Variants in TCL1A observed in about 807,000 individuals in gnomAD.
TCL1A encodes TCL1 family AKT coactivator A.
In TCL1A, 9 loss-of-function variants were observed where a neutral mutation model predicts 16.9. The ratio of observed to expected loss-of-function variants is 0.53; its 90% CI spans 0.32 to 0.93. The LOEUF is 0.93. Ranked by LOEUF, TCL1A falls within the 40% of genes least tolerant of loss-of-function variation. The pLI, the probability that TCL1A is intolerant of heterozygous loss-of-function variation, is 0.04. For missense variants in TCL1A, 139 were observed against 153.0 expected (o/e 0.91, Z 0.48); for synonymous variants, 69 against 63.2 (o/e 1.09, Z -0.44).
At chr14:95,711,113 G>A (rs75213274) in intron 3 of TCL1A, among the ~76,000 whole-genome samples, 4,009 of 152,114 alleles carry the variant, frequency 0.026, 101 homozygotes, top group East Asian at 0.13. Context: ...ACTCAATAGC[G>A]TATCTAATAT....
intron 3 of TCL1A, among the ~76,000 whole-genome samples, chr14:95,711,194 T>C (rs1886338224): frequency 6.6e-6 from 1 of 151,252 alleles, no homozygotes; most frequent in Admixed American, 6.6e-5. Context: ...ACGTGGTGGC[T>C]CATGCCTGTA....
chr14:95,710,026 G>C lies in TCL1A; in HGVS notation c.*862C>G, dbSNP rs1199817495. 6.6e-6 allele frequency: 1 copy of C among 152,164 alleles called. No homozygotes were observed. Among genetic ancestry groups the C allele is most frequent in the Non-Finnish European group, 1.5e-5 (1 of 68,034 alleles). 9.4% of individuals were successfully genotyped at this position (152,164 alleles called of 1,614,324 possible). On this transcript the variant is annotated 3_prime_UTR_variant, in exon 4 of 4. Transcript: ENST00000402399. The stretch of plus-strand genomic sequence containing the variant: ...CTCACTTCTCTCCACCAGAATCTAA[G>C]TCAAGGATAGAAGCTGATTCCGCAC...
intron 2 of TCL1A, 75 bp from the exon 3 acceptor site, chr14:95,711,877 T>C: frequency 6.4e-7 from 1 of 1,560,878 alleles, no homozygotes; most frequent in African/African-American, 1.3e-5. Context: ...CTCCTGCGCC[T>C]TCCCCTAGCT....
At chr14:95,712,995 A>T (rs984439413) in intron 1 of TCL1A, among the ~76,000 whole-genome samples, 5 of 152,210 alleles carry the variant, frequency 3.3e-5, no homozygotes, top group Non-Finnish European at 7.3e-5. Flanking sequence ...TGAATCTTCA[A>T]ATTATTTCTT....
Position 95,710,250 on chromosome 14 carries a change from G to A in TCL1A, c.*638C>T, listed in dbSNP as rs1886307125. The A allele has an allele frequency of 6.6e-6, 1 of 152,572 alleles. No homozygotes were observed. The highest frequency in any genetic ancestry group is 2.4e-5 in the African/African-American group (1 of 41,442). The allele number at this position is 152,572 out of a possible 1,614,324, so 9.5% of individuals were successfully genotyped here. A position where few individuals can be genotyped will look rare whatever the true frequency, so the allele number is the denominator to read the frequency against. On this transcript the variant is annotated 3_prime_UTR_variant, in exon 4 of 4. Coordinates refer to ENST00000402399, the MANE Select transcript of TCL1A (RefSeq NM_021966.3). ...CGGCCTGGCCTCCTGCTGCGTCCCG[G>A]GATGTGGACCACTGACCCAGAGGCT...
At chr14:95,712,791 A>AC (rs1566747164) in intron 1 of TCL1A, 9 of 755,046 alleles carry the variant, frequency 1.2e-5, no homozygotes, top group African/African-American at 1.1e-4. Context: ...GAAAAAAAAA[A>AC]AACAACAAAG....
At chr14:95,712,119 C>T in intron 2 of TCL1A, 101 bp downstream of exon 2, 7 of 1,415,036 alleles carry the variant, frequency 4.9e-6, no homozygotes, top group Admixed American at 1.7e-5. Context: ...TTTTTTAATG[C>T]TTTTGGGACT....
At chr14:95,711,934 G>A in intron 2 of TCL1A, 132 bp from the exon 3 acceptor site, 1 of 1,172,992 alleles carries the variant, frequency 8.5e-7, no homozygotes. Flanking sequence ...AGGGGCTCTT[G>A]GAGACTGCCC....
intron 1 of TCL1A, among the ~76,000 whole-genome samples, 178 bp downstream of exon 1, chr14:95,713,769 C>T (rs565123767): frequency 1.3e-5 from 2 of 152,330 alleles, no homozygotes; most frequent in African/African-American, 2.4e-5. Flanking sequence ...TCCCACCCTT[C>T]TTCCCTGCCT....
intron 1 of TCL1A, 114 bp from the exon 2 acceptor site, chr14:95,712,510 CG>C: frequency 6.7e-7 from 1 of 1,500,636 alleles, no homozygotes. Context: ...GGCAGGGGTC[CG>C]AGTGTGAAAT....
chr14:95,713,318 T>C (rs1886428226), intron 1 of TCL1A, among the ~76,000 whole-genome samples: 1 of 152,362 alleles, frequency 6.6e-6, no homozygotes, highest in African/African-American at 2.4e-5. Context: ...TTGACTCTTT[T>C]TCATTGAGTA....
intron 2 of TCL1A, 131 bp from the exon 3 acceptor site, chr14:95,711,933 T>A (rs960153020): frequency 8.4e-7 from 1 of 1,185,284 alleles, no homozygotes; most frequent in African/African-American, 1.5e-5. Flanking sequence ...CAGGGGCTCT[T>A]GGAGACTGCC....
intron 1 of TCL1A, among the ~76,000 whole-genome samples, chr14:95,713,535 T>A (rs2139723067): frequency 6.6e-6 from 1 of 152,312 alleles, no homozygotes; most frequent in East Asian, 1.9e-4. Flanking sequence ...GTGTTTGCTA[T>A]GCCTGGTTGA....
chr14:95,713,561 G>A (rs1886443480), intron 1 of TCL1A, among the ~76,000 whole-genome samples: 3 of 152,196 alleles, frequency 2.0e-5, no homozygotes, highest in Admixed American at 1.3e-4. Flanking sequence ...AACTGTTGAG[G>A]GTTCTTTTTA....
chr14:95,713,805 GC>G, intron 1 of TCL1A, 141 bp downstream of exon 1: 3 of 1,321,234 alleles, frequency 2.3e-6, no homozygotes, highest in Non-Finnish European at 3.1e-6. Flanking sequence ...ATCCTCCAGA[GC>G]CCGGCTCAAA....
chr14:95,713,765 C>G (rs929749369), intron 1 of TCL1A, among the ~76,000 whole-genome samples, 182 bp downstream of exon 1: 1 of 152,302 alleles, frequency 6.6e-6, no homozygotes, highest in South Asian at 2.1e-4. Context: ...GTTTTCCCAC[C>G]CTTCTTCCCT....
At chr14:95,713,249 T>G (rs149645469) in intron 1 of TCL1A, among the ~76,000 whole-genome samples, 2 of 152,342 alleles carry the variant, frequency 1.3e-5, no homozygotes, top group Non-Finnish European at 2.9e-5. Context: ...CGTGTTCTAA[T>G]ATATTTTTTA....
Position 95,712,825 on chromosome 14 carries a change from T to C in TCL1A, c.121-429A>G, listed in dbSNP as rs186716827. 8.9e-6 allele frequency: 5 copies of C among 559,538 alleles called. No individual in the cohort carries two copies. The East Asian group carries it at 3.4e-4, about 39-fold the overall frequency. The allele number at this position is 559,538 out of a possible 1,614,324, so 34.7% of individuals were successfully genotyped here. On this transcript the variant is annotated intron_variant, in intron 1 of 3. Coordinates refer to ENST00000402399, the MANE Select transcript of TCL1A (RefSeq NM_021966.3). Reference sequence around the variant, plus strand: ...AGAAAGAAAGAGAGAAAAAGAATACTGGCCTTTTCAATGATGTGAGGCAAA... The same window carrying C: ...AGAAAGAAAGAGAGAAAAAGAATACCGGCCTTTTCAATGATGTGAGGCAAA...
intron 1 of TCL1A, among the ~76,000 whole-genome samples, chr14:95,713,567 T>G (rs1886444141): frequency 6.6e-6 from 1 of 152,196 alleles, no homozygotes; most frequent in Non-Finnish European, 1.5e-5. Context: ...TGAGGGTTCT[T>G]TTTAAAAATA....
Sources: gnomAD v4.1 joint callset for allele counts (sites outside exome capture counted in the v4.1 genomes callset) on GRCh38, gnomAD v4.1.1 for gene constraint, MANE v1.5 for transcripts, NCBI Gene and HGNC (gene_info 2026-07-23, HGNC 2026-07-21) for gene names.